The following CPLX1 variants were observed in gnomAD, a reference collection of about 807,000 sequenced individuals.
CPLX1 encodes complexin-1.
Under a neutral mutation model 15.6 loss-of-function variants are expected in CPLX1, and 6 were observed. That is an observed-to-expected ratio of 0.39 (90% CI 0.21 to 0.76). CPLX1 has a LOEUF of 0.76. CPLX1 is among the 30% of genes least tolerant of loss of function. The pLI, the probability that CPLX1 is intolerant of heterozygous loss-of-function variation, is 0.43. For synonymous variants in CPLX1, 91 were observed against 75.2 expected, an observed-to-expected ratio of 1.21 and a Z score of -1.08; for missense variants, 242 against 188.6, an observed-to-expected ratio of 1.28 and a Z score of -1.66.
chr4:786,956 A>C lies in CPLX1; in HGVS notation c.208-258T>G, dbSNP rs1469026591. 5.1e-6 allele frequency: 5 copies of C among 984,878 alleles called. No individual in the cohort carries two copies. In the African/African-American group the frequency reaches 8.7e-5, roughly 17 times the overall value. The allele number at this position is 984,878 out of a possible 1,614,324, so 61.0% of individuals were successfully genotyped here. ...GAGGGGGAGGCTCCCATCTTCCTTG[A>C]GAGGAGAGAGGGCTGTGGCCCCACC... On this transcript the variant is annotated intron_variant, in intron 3 of 3. Transcript: ENST00000304062.
intron 2 of CPLX1, among the ~76,000 whole-genome samples, chr4:813,710 C>G (rs1490430527): frequency 2.0e-5 from 3 of 152,124 alleles, no homozygotes; most frequent in Non-Finnish European, 4.4e-5. Flanking sequence ...AGTCCACTGC[C>G]CTGCTCATAG....
At chr4:817,437 A>T (rs1218144157) in intron 2 of CPLX1, among the ~76,000 whole-genome samples, 1 of 151,604 alleles carries the variant, frequency 6.6e-6, no homozygotes, top group East Asian at 1.9e-4. Context: ...AGGCACCTGT[A>T]ATCCCAGCTA....
At chr4:809,963 G>A (rs1368481401) in intron 2 of CPLX1, among the ~76,000 whole-genome samples, 1 of 152,040 alleles carries the variant, frequency 6.6e-6, no homozygotes, top group African/African-American at 2.4e-5. Context: ...ACCCCACGGT[G>A]TGGATGCACA....
chr4:808,239 C>CATAAATAA (rs552670348), intron 2 of CPLX1, among the ~76,000 whole-genome samples: 44 of 150,364 alleles, frequency 2.9e-4, no homozygotes, highest in Non-Finnish European at 5.3e-4. Context: ...TCAATAAATA[C>CATAAATAA]ATAAATAAAT....
At chr4:814,055 G>A (rs971603376) in intron 2 of CPLX1, among the ~76,000 whole-genome samples, 3 of 152,222 alleles carry the variant, frequency 2.0e-5, no homozygotes, top group Non-Finnish European at 2.9e-5. Context: ...CCAAGCCGGC[G>A]GCCAGACATG....
In CPLX1 at chr4:795,753, G is replaced by C. The variant is rs1199834582; in HGVS notation, c.32-3145C>G. ...TCTGGGGAGGGAGTTCAGTCCCAGCGGGAGGGGCCCTTCCCACCCGGGAGC... is the reference window on the plus strand; with the variant it reads ...TCTGGGGAGGGAGTTCAGTCCCAGCCGGAGGGGCCCTTCCCACCCGGGAGC... On this transcript the variant is annotated intron_variant, in intron 2 of 3. Coordinates refer to ENST00000304062, the MANE Select transcript of CPLX1 (RefSeq NM_006651.4). 2.6e-5 allele frequency among the ~76,000 whole-genome samples: 4 copies of C among 151,872 alleles called. No individual in the cohort carries two copies. The South Asian group carries it at 8.3e-4, about 32-fold the overall frequency.
At chr4:792,098 C>T (rs1441661215) in intron 3 of CPLX1, among the ~76,000 whole-genome samples, 1 of 152,236 alleles carries the variant, frequency 6.6e-6, no homozygotes, top group South Asian at 2.1e-4. Context: ...CCTGAGAGCG[C>T]ACCCCCCATG....
At chr4:816,659 T>C (rs115070328) in intron 2 of CPLX1, among the ~76,000 whole-genome samples, 2,327 of 146,534 alleles carry the variant, frequency 0.016, 58 homozygotes, top group African/African-American at 0.054. Flanking sequence ...GACCCTGTCT[T>C]AAAAAAAAAA....
chr4:816,058 T>C (rs1345857497), intron 2 of CPLX1, among the ~76,000 whole-genome samples: 1 of 152,204 alleles, frequency 6.6e-6, no homozygotes, highest in Non-Finnish European at 1.5e-5. Flanking sequence ...TATGTTGAGC[T>C]ATTTAAGTTA....
chr4:787,098 C>G, intron 3 of CPLX1: 1 of 985,386 alleles, frequency 1.0e-6, no homozygotes, highest in Non-Finnish European at 1.2e-6. Flanking sequence ...ACAGTCAACC[C>G]GCAGCTGACC....
intron 2 of CPLX1, among the ~76,000 whole-genome samples, chr4:815,615 A>G (rs1423038350): frequency 6.6e-6 from 1 of 152,160 alleles, no homozygotes; most frequent in African/African-American, 2.4e-5. Context: ...TGTGGCACTT[A>G]CTCAGAAACA....
At chr4:796,024 C>T (rs1360645846) in intron 2 of CPLX1, among the ~76,000 whole-genome samples, 3 of 152,304 alleles carry the variant, frequency 2.0e-5, no homozygotes, top group Non-Finnish European at 4.4e-5. Flanking sequence ...GCTCCCGAGA[C>T]GCCCAGGCAG....
intron 3 of CPLX1, chr4:787,796 C>T (rs2152641247): frequency 1.0e-6 from 1 of 985,388 alleles, no homozygotes; most frequent in African/African-American, 1.7e-5. Flanking sequence ...TCCCGTGAGC[C>T]ACCAGCCCAG....
intron 2 of CPLX1, among the ~76,000 whole-genome samples, chr4:805,504 G>A (rs541794669): frequency 7.9e-5 from 12 of 152,292 alleles, no homozygotes; most frequent in African/African-American, 1.9e-4. Flanking sequence ...CTTGTTGTTG[G>A]GAATGAGAAA....
chr4:787,174 T>TGCGGCC (rs2152641042), intron 3 of CPLX1: 3 of 985,406 alleles, frequency 3.0e-6, no homozygotes, highest in African/African-American at 1.7e-5. Flanking sequence ...GCTGCCTGGA[T>TGCGGCC]GCGGCCGCGG....
chr4:793,378 T>C (rs946828453), intron 2 of CPLX1, among the ~76,000 whole-genome samples: 9 of 152,146 alleles, frequency 5.9e-5, no homozygotes, highest in African/African-American at 2.2e-4. Flanking sequence ...CAGGCCCTAA[T>C]TGCTCTGCGG....
intron 2 of CPLX1, among the ~76,000 whole-genome samples, chr4:794,100 C>T (rs1206113641): frequency 2.0e-5 from 3 of 152,278 alleles, no homozygotes; most frequent in African/African-American, 7.2e-5. Context: ...CTGCCTCTGC[C>T]AGTCACTCAG....
At chr4:809,174 C>T (rs1038595143) in intron 2 of CPLX1, among the ~76,000 whole-genome samples, 6 of 152,262 alleles carry the variant, frequency 3.9e-5, no homozygotes, top group Admixed American at 2.6e-4. Context: ...ATGCTCCTCA[C>T]GCTGTGAACC....
intron 3 of CPLX1, among the ~76,000 whole-genome samples, chr4:791,777 C>CA (rs1746182943): frequency 6.6e-6 from 1 of 152,274 alleles, no homozygotes; most frequent in Non-Finnish European, 1.5e-5. Context: ...GCACCCCAGG[C>CA]CCCTTCTACG....
Sources: gnomAD v4.1 joint callset for allele counts (sites outside exome capture counted in the v4.1 genomes callset) on GRCh38, gnomAD v4.1.1 for gene constraint, MANE v1.5 for transcripts, NCBI Gene and HGNC (gene_info 2026-07-23, HGNC 2026-07-21) for gene names.